The following NCOA4 variants were observed in gnomAD, a reference collection of about 807,000 sequenced individuals.
The protein encoded by NCOA4 is 70 kDa AR-activator.
NCOA4 carries 31 observed loss-of-function variants against 69.5 expected under a neutral mutation model. The observed-to-expected ratio is 0.45, with a 90% CI of 0.34 to 0.60. The LOEUF (loss-of-function observed/expected upper bound fraction) is 0.60. Ranked by LOEUF, NCOA4 falls within the 20% of genes least tolerant of loss-of-function variation. The probability of loss-of-function intolerance (pLI) is 0.02; values close to 1 mark genes in which losing one functional copy is unlikely to be tolerated. For synonymous variants in NCOA4, 228 were observed against 252.4 expected, an observed-to-expected ratio of 0.90 and a Z score of 0.92; for missense variants, 600 against 719.2, an observed-to-expected ratio of 0.83 and a Z score of 1.90.
intron 2 of NCOA4, among the ~76,000 whole-genome samples, 172 bp from the exon 3 acceptor site, chr10:46,015,438 T>G (rs1320857525): frequency 6.6e-6 from 1 of 152,164 alleles, no homozygotes; most frequent in Non-Finnish European, 1.5e-5. Context: ...AATGTATATT[T>G]TCAAGATTTT....
At chr10:46,010,143 G>A (rs1564919591) in intron 8 of NCOA4, 80 bp downstream of exon 8, 5 of 1,487,830 alleles carry the variant, frequency 3.4e-6, no homozygotes, top group Non-Finnish European at 3.6e-6. Flanking sequence ...ACTCCAGCCT[G>A]AGTGACAGAG....
intron 7 of NCOA4, among the ~76,000 whole-genome samples, chr10:46,011,521 C>T (rs1348594687): frequency 5.9e-5 from 9 of 151,570 alleles, no homozygotes; most frequent in African/African-American, 2.2e-4. Flanking sequence ...GTGATCCGCC[C>T]ACCTCAGCCT....
In NCOA4 at chr10:46,006,575, A is replaced by C. The variant is rs782741575; in HGVS notation, c.*17T>G. 37 of 1,613,850 alleles carry C rather than the reference A, an allele frequency of 2.3e-5. No homozygotes were observed. Among genetic ancestry groups the C allele is most frequent in the Non-Finnish European group, 2.9e-5 (34 of 1,179,916 alleles). Reference sequence around the variant, plus strand: ...GTGATAATCAGCAGAAAGGCTGCTCAACTCTTGTCCATTCCTTCACATCTG... The same window carrying C: ...GTGATAATCAGCAGAAAGGCTGCTCCACTCTTGTCCATTCCTTCACATCTG... On this transcript the variant is annotated 3_prime_UTR_variant, in exon 10 of 10. Transcript: ENST00000581486.
At chr10:46,023,907 A>G (rs1554925049) in intron 1 of NCOA4, among the ~76,000 whole-genome samples, 1 of 152,216 alleles carries the variant, frequency 6.6e-6, no homozygotes, top group African/African-American at 2.4e-5. Context: ...AATCTAGACA[A>G]TGTTGTAATT....
chr10:46,030,450 TCGGGAAGGGG>T (rs29001490), intron 1 of NCOA4, 66 bp downstream of exon 1: 37,418 of 151,692 alleles, frequency 0.25, 5,457 homozygotes, highest in South Asian at 0.52. Flanking sequence ...GTCGGTCGGG[TCGGGAAGGGG>T]CGGACAAGCC....
chr10:46,011,218 G>C lies in NCOA4; in HGVS notation c.715-12C>G, dbSNP rs367940878. ...GCTCTGGAAGAAGTCTACACAAAAA[G>C]TACACAGTATTAGTTTGCCAGAACA... On this transcript the variant is annotated splice_polypyrimidine_tract_variant and intron_variant, in intron 7 of 9. Coordinates refer to ENST00000581486, the MANE Select transcript of NCOA4 (RefSeq NM_001145263.2). The C allele has an allele frequency of 2.9e-5, 45 of 1,569,142 alleles. No individual in the cohort carries two copies. In the African/African-American group the frequency reaches 6.0e-4, roughly 21 times the overall value.
intron 7 of NCOA4, among the ~76,000 whole-genome samples, chr10:46,011,685 T>C (rs973509575): frequency 4.6e-5 from 7 of 152,142 alleles, no homozygotes; most frequent in Non-Finnish European, 7.4e-5. Flanking sequence ...AAGGGTGTAA[T>C]ATGCCTTTAC....
chr10:46,010,157 C>G (rs1290672283), intron 8 of NCOA4, 66 bp downstream of exon 8: 13 of 1,511,108 alleles, frequency 8.6e-6, no homozygotes, highest in Non-Finnish European at 1.1e-5. Flanking sequence ...GACAGAGACC[C>G]CATCTCAAAA....
chr10:46,025,033 G>A (rs1343659908), intron 1 of NCOA4, among the ~76,000 whole-genome samples: 2 of 152,184 alleles, frequency 1.3e-5, no homozygotes, highest in Non-Finnish European at 2.9e-5. Flanking sequence ...GTGATTAGCA[G>A]GCTGAGACAT....
chr10:46,013,084 A>G, intron 6 of NCOA4, 58 bp from the exon 7 acceptor site: 1 of 1,553,466 alleles, frequency 6.4e-7, no homozygotes, highest in Admixed American at 1.7e-5. Flanking sequence ...AGAAAAAGAG[A>G]AGAGCCACTC....
intron 1 of NCOA4, among the ~76,000 whole-genome samples, chr10:46,017,692 A>G (rs1839647201): frequency 6.6e-6 from 1 of 152,208 alleles, no homozygotes; most frequent in African/African-American, 2.4e-5. Context: ...TATAAAGGAG[A>G]CACAGAAATT....
chr10:46,007,946 A>T (rs1838948362), intron 9 of NCOA4, among the ~76,000 whole-genome samples: 1 of 152,098 alleles, frequency 6.6e-6, no homozygotes. Context: ...AATTATGCTA[A>T]ATCTACTCTG....
In NCOA4 at chr10:46,027,503, T is replaced by A. The variant is rs77651259; in HGVS notation, c.-15+3023A>T. ...CTCCACATTGTTCATGTGCGTTCTATGTTGAAGCAATGTGTCCAGACATAA... is the reference window on the plus strand; with the variant it reads ...CTCCACATTGTTCATGTGCGTTCTAAGTTGAAGCAATGTGTCCAGACATAA... On this transcript the variant is annotated intron_variant, in intron 1 of 9. Transcript: ENST00000581486. 2,845 of 1,548,690 alleles carry A rather than the reference T, an allele frequency of 1.8e-3. 23 individuals carry two copies. The East Asian group carries it at 0.025, about 14-fold the overall frequency.
intron 2 of NCOA4, among the ~76,000 whole-genome samples, chr10:46,016,280 TCTAAGTAGTTAGTAATCTAA>T (rs71987198): frequency 0.41 from 62,373 of 152,080 alleles, 13,269 homozygotes; most frequent in South Asian, 0.67. Context: ...TAATCAAAAA[TCTAAGTAGTTAGTAATCTAA>T]GTAAGCTGAA....
intron 1 of NCOA4, among the ~76,000 whole-genome samples, chr10:46,029,129 C>A (rs1840320952): frequency 1.3e-5 from 2 of 151,958 alleles, no homozygotes; most frequent in South Asian, 4.1e-4. Flanking sequence ...TTCCATAGCT[C>A]AACATGTTTT....
chr10:46,005,478 G>A lies in NCOA4; in HGVS notation c.*1114C>T, dbSNP rs1838758683. The A allele has an allele frequency of 9.1e-6, 2 of 220,630 alleles. No homozygotes were observed. Among genetic ancestry groups the A allele is most frequent in the Non-Finnish European group, 1.8e-5 (2 of 109,874 alleles). 13.7% of individuals were successfully genotyped at this position (220,630 alleles called of 1,614,324 possible). A position where few individuals can be genotyped will look rare whatever the true frequency, so the allele number is the denominator to read the frequency against. The stretch of plus-strand genomic sequence containing the variant: ...GTTTCAAAGTCTGGAAAGCAGCAAA[G>A]ATATCTTAGAGAAAACATTATAAAC... On this transcript the variant is annotated 3_prime_UTR_variant, in exon 10 of 10. Transcript: ENST00000581486.
intron 8 of NCOA4, 111 bp downstream of exon 8, chr10:46,010,112 G>A: frequency 7.5e-7 from 1 of 1,336,388 alleles, no homozygotes; most frequent in Non-Finnish European, 1.0e-6. Context: ...AGGTTGCAAT[G>A]AGCTGAGATC....
At chr10:46,020,383 T>G (rs1839802319) in intron 1 of NCOA4, among the ~76,000 whole-genome samples, 1 of 152,224 alleles carries the variant, frequency 6.6e-6, no homozygotes, top group Admixed American at 6.5e-5. Flanking sequence ...GCAGTAAGGT[T>G]AAAGTGAGAT....
rs1360060694 is a variant in NCOA4 at position 46,005,490 on chromosome 10, A to T, written c.*1102T>A. 1.8e-5 allele frequency: 4 copies of T among 221,030 alleles called. No individual in the cohort carries two copies. Among genetic ancestry groups the T allele is most frequent in the Middle Eastern group, 1.4e-3 (1 of 716 alleles). The allele number at this position is 221,030 out of a possible 1,614,324, so 13.7% of individuals were successfully genotyped here. A position where few individuals can be genotyped will look rare whatever the true frequency, so the allele number is the denominator to read the frequency against. ...GGAAAGCAGCAAAGATATCTTAGAG[A>T]AAACATTATAAACCCCACTTCTCTC... is the stretch of plus-strand genomic sequence containing the variant. On this transcript the variant is annotated 3_prime_UTR_variant, in exon 10 of 10. Coordinates refer to ENST00000581486, the MANE Select transcript of NCOA4 (RefSeq NM_001145263.2).
Sources: gnomAD v4.1 joint callset for allele counts (sites outside exome capture counted in the v4.1 genomes callset) on GRCh38, gnomAD v4.1.1 for gene constraint, MANE v1.5 for transcripts, NCBI Gene and HGNC (gene_info 2026-07-23, HGNC 2026-07-21) for gene names.